SLC24A2: variants seen among roughly 807,000 people sequenced by gnomAD.
The protein encoded by SLC24A2 is sodium/potassium/calcium exchanger 2.
In SLC24A2, 36 loss-of-function variants were observed where a neutral mutation model predicts 62.0. The ratio of observed to expected loss-of-function variants is 0.58; its 90% confidence interval spans 0.44 to 0.77. The LOEUF is 0.77. Ranked by LOEUF, SLC24A2 falls within the 30% of genes least tolerant of loss-of-function variation. The pLI is 0.00. For missense variants in SLC24A2, 846 were observed against 817.9 expected (o/e 1.03, Z -0.42); for synonymous variants, 358 against 294.0 (o/e 1.22, Z -2.23).
chr9:19,860,847 G>C, the SLC24A2 span, among the ~76,000 whole-genome samples: 1 of 152,170 alleles, frequency 6.6e-6, no homozygotes, highest in African/African-American at 2.4e-5. Flanking sequence ...CTGAAGGTGA[G>C]ACTTTTCTGC....
chr9:19,579,723 C>T (rs1372983509), intron 5 of SLC24A2, among the ~76,000 whole-genome samples: 1 of 152,142 alleles, frequency 6.6e-6, no homozygotes, highest in South Asian at 2.1e-4. Context: ...GTCCTAAAGT[C>T]ATGAATCATG....
At chr9:19,611,325 G>A (rs1027496919) in intron 4 of SLC24A2, among the ~76,000 whole-genome samples, 7 of 151,172 alleles carry the variant, frequency 4.6e-5, no homozygotes, top group African/African-American at 1.2e-4. Context: ...GAGGGGAGAC[G>A]AGGGGGCAAA....
chr9:19,944,344 G>A, the SLC24A2 span, among the ~76,000 whole-genome samples: 1 of 151,422 alleles, frequency 6.6e-6, no homozygotes. Context: ...AATTCTGAGA[G>A]GTAGTATCAA....
the SLC24A2 span, among the ~76,000 whole-genome samples, chr9:19,825,438 A>T: frequency 6.6e-6 from 1 of 152,278 alleles, no homozygotes; most frequent in African/African-American, 2.4e-5. Context: ...GGGGAAATAG[A>T]CACCTGACAA....
At chr9:19,849,495 G>A in the SLC24A2 span, among the ~76,000 whole-genome samples, 1 of 152,096 alleles carries the variant, frequency 6.6e-6, no homozygotes, top group South Asian at 2.1e-4. Context: ...CTAATGAAAA[G>A]ACATTGTACT....
At chr9:19,732,049 GA>G (rs962630943) in intron 2 of SLC24A2, among the ~76,000 whole-genome samples, 4 of 152,128 alleles carry the variant, frequency 2.6e-5, no homozygotes, top group African/African-American at 9.7e-5. Flanking sequence ...GCTCAAAAAT[GA>G]TACCTATTGC....
the SLC24A2 span, among the ~76,000 whole-genome samples, chr9:19,961,603 A>C: frequency 6.6e-6 from 1 of 152,182 alleles, no homozygotes; most frequent in South Asian, 2.1e-4. Flanking sequence ...AGATGCCCCC[A>C]ATACTTCCTG....
At chr9:19,523,980 T>G (rs932167952) in intron 9 of SLC24A2, among the ~76,000 whole-genome samples, 1 of 152,088 alleles carries the variant, frequency 6.6e-6, no homozygotes, top group South Asian at 2.1e-4. Flanking sequence ...TAAGCTTGTT[T>G]TGAGTACATT....
chr9:20,092,514 G>T, the SLC24A2 span, among the ~76,000 whole-genome samples: 2 of 152,130 alleles, frequency 1.3e-5, no homozygotes, highest in East Asian at 3.8e-4. Context: ...GAAGCCAAAA[G>T]ATTGGACACC....
chr9:20,090,380 T>C, the SLC24A2 span, among the ~76,000 whole-genome samples: 1 of 152,140 alleles, frequency 6.6e-6, no homozygotes, highest in Non-Finnish European at 1.5e-5. Flanking sequence ...GTGGGTAGCC[T>C]GGGAGTGCCA....
the SLC24A2 span, among the ~76,000 whole-genome samples, chr9:19,993,562 C>T: frequency 9.2e-5 from 14 of 152,256 alleles, no homozygotes; most frequent in South Asian, 2.1e-4. Context: ...TCATTCAACA[C>T]GGTTAACATT....
the SLC24A2 span, among the ~76,000 whole-genome samples, chr9:19,874,996 C>CAAAAAAAA: frequency 3.1e-5 from 3 of 96,710 alleles, no homozygotes; most frequent in Non-Finnish European, 6.0e-5. Context: ...TCCAGAATTA[C>CAAAAAAAA]AAAAAAAAAA....
the SLC24A2 span, among the ~76,000 whole-genome samples, chr9:19,920,097 G>C: frequency 6.6e-6 from 1 of 152,022 alleles, no homozygotes; most frequent in Admixed American, 6.5e-5. Flanking sequence ...ATAATTTGGG[G>C]TCCTTGATAT....
At chr9:19,626,293 G>C (rs1201163250) in intron 2 of SLC24A2, among the ~76,000 whole-genome samples, 1 of 152,152 alleles carries the variant, frequency 6.6e-6, no homozygotes, top group Non-Finnish European at 1.5e-5. Context: ...GCTGCCTCAG[G>C]GCCACTCAGT....
chr9:19,702,742 A>C (rs921168554), intron 2 of SLC24A2, among the ~76,000 whole-genome samples: 2 of 152,198 alleles, frequency 1.3e-5, no homozygotes, highest in East Asian at 1.9e-4. Flanking sequence ...ACTAACTACC[A>C]AGTGTTTTAT....
chr9:19,817,050 T>A, the SLC24A2 span, among the ~76,000 whole-genome samples: 3 of 152,002 alleles, frequency 2.0e-5, no homozygotes, highest in African/African-American at 7.3e-5. Context: ...TGAAGTAGTT[T>A]GTGATTCGTA....
At chr9:19,796,277 A>C in the SLC24A2 span, among the ~76,000 whole-genome samples, 1 of 152,210 alleles carries the variant, frequency 6.6e-6, no homozygotes, top group Non-Finnish European at 1.5e-5. Flanking sequence ...ATAAAAAAAA[A>C]AAATCAGTTG....
intron 8 of SLC24A2, among the ~76,000 whole-genome samples, chr9:19,531,595 G>C (rs1285191183): frequency 6.6e-6 from 1 of 152,040 alleles, no homozygotes; most frequent in Non-Finnish European, 1.5e-5. Flanking sequence ...ACATTAGCTG[G>C]TTGTACAAAT....
the SLC24A2 span, among the ~76,000 whole-genome samples, chr9:19,839,911 A>G: frequency 6.6e-6 from 1 of 152,162 alleles, no homozygotes; most frequent in Non-Finnish European, 1.5e-5. Flanking sequence ...TGTAACCCAG[A>G]AGCAATAGGC....
Sources: allele counts gnomAD v4.1 joint callset (sites outside exome capture counted in the v4.1 genomes callset), GRCh38; gene constraint gnomAD v4.1.1; transcripts MANE v1.5; gene names NCBI Gene and HGNC (gene_info 2026-07-23, HGNC 2026-07-21).